DPYD: variants seen among roughly 807,000 people sequenced by gnomAD.
The protein encoded by DPYD is dihydropyrimidine dehydrogenase, also known as dihydropyrimidine dehydrogenase [NADP(+)].
A neutral mutation model predicts 116.2 loss-of-function variants in DPYD; 109 were observed. The ratio of observed to expected loss-of-function variants is 0.94; its 90% CI spans 0.80 to 1.10. The LOEUF is 1.10. DPYD is among the 50% of genes least tolerant of loss of function. The probability of loss-of-function intolerance (pLI) is 0.00; values close to 1 mark genes in which losing one functional copy is unlikely to be tolerated. For synonymous variants in DPYD, 440 were observed against 432.0 expected (o/e 1.02, Z -0.23); for missense variants, 1,302 against 1,254.5 (o/e 1.04, Z -0.57).
chr1:97,276,177 C>G (rs889592809), intron 18 of DPYD, among the ~76,000 whole-genome samples: 1 of 152,072 alleles, frequency 6.6e-6, no homozygotes. Flanking sequence ...AAGAACTATT[C>G]TTTCCCAAGG....
intron 20 of DPYD, among the ~76,000 whole-genome samples, chr1:97,190,334 C>A (rs1460532583): frequency 6.6e-6 from 1 of 152,112 alleles, no homozygotes; most frequent in Non-Finnish European, 1.5e-5. Context: ...TATTGCTATT[C>A]TCTTTTTTGT....
At position 97,215,408 on chromosome 1, in the gene DPYD, A is replaced by G. The variant is rs72726636; in HGVS notation, c.2442+19444T>C. Among the ~76,000 whole-genome samples the G allele has an allele frequency of 9.1e-3, 1,384 of 152,292 alleles. 15 individuals are homozygous for G. The highest frequency in any genetic ancestry group is 0.037 in the Middle Eastern group (11 of 294). ...TCACTACCTGTCCAGTAGCTTCTGG[A>G]AAAGGTCATCTGAGTCCTTGCCATA... On this transcript the variant is annotated intron_variant, in intron 19 of 22. Transcript: ENST00000370192.
At chr1:97,882,368 T>C (rs1672270200) in intron 2 of DPYD, among the ~76,000 whole-genome samples, 2 of 151,964 alleles carry the variant, frequency 1.3e-5, no homozygotes, top group African/African-American at 4.8e-5. Flanking sequence ...CAAGCACACA[T>C]GAGCACACAC....
intron 13 of DPYD, among the ~76,000 whole-genome samples, chr1:97,464,774 G>A (rs1677221080): frequency 6.6e-6 from 1 of 152,174 alleles, no homozygotes; most frequent in Admixed American, 6.5e-5. Flanking sequence ...TTGCTGCAGG[G>A]ACGGGACCCT....
intron 13 of DPYD, among the ~76,000 whole-genome samples, chr1:97,456,167 T>C (rs1323262476): frequency 6.6e-6 from 1 of 151,752 alleles, no homozygotes. Context: ...GGTGTGCTTA[T>C]GTGATATGGA....
intron 8 of DPYD, among the ~76,000 whole-genome samples, chr1:97,620,037 GAA>G (rs560475446): frequency 0.014 from 1,776 of 130,100 alleles, 20 homozygotes; most frequent in Middle Eastern, 0.027. Context: ...CAGTATAAGT[GAA>G]AAAAAAAAAA....
chr1:97,675,758 T>C (rs1399498341), intron 8 of DPYD, among the ~76,000 whole-genome samples: 1 of 151,782 alleles, frequency 6.6e-6, no homozygotes, highest in East Asian at 1.9e-4. Context: ...TCTCTTTTTT[T>C]TTTTTTTTGT....
intron 10 of DPYD, among the ~76,000 whole-genome samples, chr1:97,583,832 G>T (rs1427429417): frequency 1.3e-5 from 2 of 151,846 alleles, no homozygotes; most frequent in African/African-American, 4.8e-5. Context: ...ATTTGGGTTG[G>T]TTCCAAGTCT....
chr1:97,519,808 A>G (rs1035528496), intron 12 of DPYD, among the ~76,000 whole-genome samples: 1 of 152,138 alleles, frequency 6.6e-6, no homozygotes, highest in Admixed American at 6.5e-5. Context: ...TTGCTTCTCC[A>G]AAATACTTTG....
At chr1:97,313,979 A>G (rs12030332) in intron 16 of DPYD, among the ~76,000 whole-genome samples, 35,198 of 151,916 alleles carry the variant, frequency 0.23, 4,264 homozygotes, top group Middle Eastern at 0.28. Flanking sequence ...GCTTTCCATC[A>G]TGAACCACAA....
intron 12 of DPYD, chr1:97,546,221 A>G: frequency 2.6e-6 from 4 of 1,543,896 alleles, no homozygotes; most frequent in Non-Finnish European, 2.7e-6. Flanking sequence ...GAGGATGGCA[A>G]CAGAAGAGTA....
intron 16 of DPYD, among the ~76,000 whole-genome samples, chr1:97,334,246 T>G (rs562368334): frequency 2.6e-5 from 4 of 152,330 alleles, no homozygotes; most frequent in African/African-American, 7.2e-5. Flanking sequence ...TTACTTAGCT[T>G]ATTATGGAAC....
At chr1:97,736,327 T>A in intron 4 of DPYD, among the ~76,000 whole-genome samples, 1 of 151,634 alleles carries the variant, frequency 6.6e-6, no homozygotes, top group East Asian at 1.9e-4. Context: ...AATTCTATAA[T>A]TAGTGAAAAA....
intron 3 of DPYD, among the ~76,000 whole-genome samples, chr1:97,773,936 T>C (rs1666269254): frequency 6.6e-6 from 1 of 152,204 alleles, no homozygotes; most frequent in South Asian, 2.1e-4. Flanking sequence ...TCTGTCCTTG[T>C]GATAAGGCAG....
At chr1:97,732,627 T>C (rs1663693718) in intron 4 of DPYD, among the ~76,000 whole-genome samples, 1 of 152,142 alleles carries the variant, frequency 6.6e-6, no homozygotes, top group Non-Finnish European at 1.5e-5. Flanking sequence ...TAAGATGTGA[T>C]ATTTTAACAA....
At chr1:97,501,901 ACATAGAAAAG>A (rs766531281) in intron 13 of DPYD, among the ~76,000 whole-genome samples, 30 of 152,070 alleles carry the variant, frequency 2.0e-4, no homozygotes, top group Non-Finnish European at 2.6e-4. Context: ...CATTAATTTT[ACATAGAAAAG>A]CATGTTTACA....
intron 8 of DPYD, among the ~76,000 whole-genome samples, chr1:97,645,527 CT>C (rs1337945731): frequency 6.6e-6 from 1 of 151,876 alleles, no homozygotes; most frequent in African/African-American, 2.4e-5. Flanking sequence ...TCAAATGCTA[CT>C]TTTTAAATAT....
intron 4 of DPYD, among the ~76,000 whole-genome samples, chr1:97,724,885 T>C (rs921812277): frequency 6.1e-5 from 8 of 131,004 alleles, no homozygotes; most frequent in African/African-American, 1.5e-4. Context: ...AAGGAGGAAG[T>C]GACAGAGTGG....
At chr1:97,906,612 A>G (rs952237506) in intron 1 of DPYD, among the ~76,000 whole-genome samples, 4 of 152,082 alleles carry the variant, frequency 2.6e-5, no homozygotes, top group Non-Finnish European at 5.9e-5. Context: ...ACCCTAATCC[A>G]CGGGGATATG....
Sources: allele counts gnomAD v4.1 joint callset (sites outside exome capture counted in the v4.1 genomes callset), GRCh38; gene constraint gnomAD v4.1.1; transcripts MANE v1.5; gene names NCBI Gene and HGNC (gene_info 2026-07-23, HGNC 2026-07-21).